NTRK3: variants seen among roughly 807,000 people sequenced by gnomAD.
NTRK3 encodes the protein NT-3 growth factor receptor.
A neutral mutation model predicts 91.7 loss-of-function variants in NTRK3; 24 were observed. The observed-to-expected ratio is 0.26, with a 90% CI of 0.19 to 0.37. The LOEUF (loss-of-function observed/expected upper bound fraction) is 0.37. Among genes scored for constraint, NTRK3 ranks in the 10% least tolerant of loss-of-function variants. NTRK3 has a pLI of 1.00. For synonymous variants in NTRK3, 483 were observed against 404.0 expected, an observed-to-expected ratio of 1.20 and a Z score of -2.34; for missense variants, 880 against 1,068.9, an observed-to-expected ratio of 0.82 and a Z score of 2.46.
intron 14 of NTRK3, among the ~76,000 whole-genome samples, chr15:87,997,497 G>A (rs1409911448): frequency 6.6e-6 from 1 of 151,988 alleles, no homozygotes; most frequent in Non-Finnish European, 1.5e-5. Context: ...AAATTGGCAG[G>A]GCCTGGAGGG....
chr15:88,225,908 T>G lies in NTRK3; in HGVS notation c.248+29998A>C, dbSNP rs1297251814. ...TCAGCAGTCACCCGCTACCTAGACATGCACAGCCTGCTGCTGCCTCTGGCC... is the reference window on the plus strand; with the variant it reads ...TCAGCAGTCACCCGCTACCTAGACAGGCACAGCCTGCTGCTGCCTCTGGCC... On this transcript the variant is annotated intron_variant, in intron 3 of 18. Transcript: ENST00000394480. 2.0e-5 allele frequency among the ~76,000 whole-genome samples: 3 copies of G among 152,110 alleles called. No homozygotes were observed. In the East Asian group the frequency reaches 5.8e-4, roughly 29 times the overall value.
chr15:88,254,436 G>A (rs1337147944), intron 3 of NTRK3, among the ~76,000 whole-genome samples: 4 of 152,238 alleles, frequency 2.6e-5, no homozygotes, highest in Middle Eastern at 3.4e-3. Context: ...AGGGTAAGGG[G>A]GTGAACAGCA....
intron 17 of NTRK3, among the ~76,000 whole-genome samples, chr15:87,905,328 T>C (rs2066700448): frequency 6.6e-6 from 1 of 152,196 alleles, no homozygotes; most frequent in Non-Finnish European, 1.5e-5. Flanking sequence ...AGAGGGTTAT[T>C]GGCATCCCAA....
At chr15:87,905,765 T>A (rs1317735195) in intron 17 of NTRK3, among the ~76,000 whole-genome samples, 4 of 152,134 alleles carry the variant, frequency 2.6e-5, no homozygotes, top group Admixed American at 1.3e-4. Flanking sequence ...GCATGGTCCC[T>A]CCTTCCAACG....
At chr15:87,869,105 T>G (rs1024501885) in exon 19 of NTRK3, 3 of 228,928 alleles carry the variant, frequency 1.3e-5, no homozygotes, top group African/African-American at 6.6e-5. Flanking sequence ...AATTTGCAGT[T>G]CCCTCAGGGG....
At chr15:88,128,670 A>C (rs777794359) in intron 11 of NTRK3, 41 bp downstream of exon 11, 3 of 1,602,584 alleles carry the variant, frequency 1.9e-6, no homozygotes, top group Non-Finnish European at 2.6e-6. Context: ...CGATAGTATC[A>C]GAATAAATCA....
chr15:87,942,460 A>G (rs1161182486), intron 14 of NTRK3, among the ~76,000 whole-genome samples: 2 of 152,080 alleles, frequency 1.3e-5, no homozygotes, highest in African/African-American at 4.8e-5. Context: ...ATAGGAAGTC[A>G]GGCCCTCTCT....
chr15:88,210,394 C>A (rs2049138940), intron 3 of NTRK3, among the ~76,000 whole-genome samples: 1 of 152,046 alleles, frequency 6.6e-6, no homozygotes, highest in Non-Finnish European at 1.5e-5. Flanking sequence ...AAATGAAACC[C>A]AAAAAAGCCC....
intron 17 of NTRK3, among the ~76,000 whole-genome samples, chr15:87,902,457 C>T (rs1022257540): frequency 3.9e-5 from 6 of 152,120 alleles, no homozygotes; most frequent in East Asian, 1.9e-4. Context: ...ATCTATTTCC[C>T]GTTAACATCT....
At chr15:88,079,754 G>A (rs2047880656) in intron 13 of NTRK3, among the ~76,000 whole-genome samples, 2 of 152,078 alleles carry the variant, frequency 1.3e-5, no homozygotes, top group South Asian at 4.1e-4. Flanking sequence ...AATAAAAAAT[G>A]GGAAACAATT....
intron 13 of NTRK3, among the ~76,000 whole-genome samples, chr15:88,081,601 G>C (rs559474958): frequency 1.7e-4 from 26 of 152,334 alleles, no homozygotes; most frequent in African/African-American, 4.8e-4. Flanking sequence ...CAGTCCCTCT[G>C]AATCGGAAAG....
At chr15:88,249,097 T>A (rs2053115414) in intron 3 of NTRK3, among the ~76,000 whole-genome samples, 1 of 151,984 alleles carries the variant, frequency 6.6e-6, no homozygotes, top group South Asian at 2.1e-4. Context: ...ATGATGCGTG[T>A]CTGGGGAAGG....
exon 19 of NTRK3, chr15:87,874,248 A>AGACTCTGTATAGACAGGAC: frequency 4.5e-6 from 1 of 224,006 alleles, no homozygotes; most frequent in Non-Finnish European, 8.8e-6. Context: ...ATATCAAAGT[A>AGACTCTGTATAGACAGGAC]ATATATCTTC....
At chr15:87,991,028 G>T (rs553186638) in intron 14 of NTRK3, among the ~76,000 whole-genome samples, 3 of 152,048 alleles carry the variant, frequency 2.0e-5, no homozygotes, top group Non-Finnish European at 4.4e-5. Context: ...GTCACCAATG[G>T]TTACCCCATG....
At chr15:88,140,541 G>A (rs921942628) in intron 6 of NTRK3, among the ~76,000 whole-genome samples, 1 of 152,208 alleles carries the variant, frequency 6.6e-6, no homozygotes, top group African/African-American at 2.4e-5. Context: ...CGGCCTCAAA[G>A]AGCTGTTGTT....
chr15:88,210,560 C>A (rs929372439), intron 3 of NTRK3, among the ~76,000 whole-genome samples: 12 of 152,194 alleles, frequency 7.9e-5, no homozygotes, highest in African/African-American at 2.2e-4. Flanking sequence ...GATGCAGGAA[C>A]AACTCTCCCA....
At chr15:88,137,982 T>C (rs958108089) in intron 6 of NTRK3, among the ~76,000 whole-genome samples, 13 of 149,960 alleles carry the variant, frequency 8.7e-5, no homozygotes, top group African/African-American at 3.2e-4. Context: ...ACCCAGGAGA[T>C]GGAGGTTGCA....
chr15:87,924,018 G>C (rs1161018231), intron 17 of NTRK3, among the ~76,000 whole-genome samples: 1 of 152,008 alleles, frequency 6.6e-6, no homozygotes, highest in African/African-American at 2.4e-5. Flanking sequence ...CCATTCTGTG[G>C]TATTCTGTTG....
At chr15:88,195,492 G>A (rs1337345898) in intron 3 of NTRK3, among the ~76,000 whole-genome samples, 1 of 152,234 alleles carries the variant, frequency 6.6e-6, no homozygotes, top group Admixed American at 6.5e-5. Context: ...CCAAGGTCTT[G>A]ATTGGGACAG....
Sources: gnomAD v4.1 joint callset for allele counts (sites outside exome capture counted in the v4.1 genomes callset) on GRCh38, gnomAD v4.1.1 for gene constraint, MANE v1.5 for transcripts, NCBI Gene and HGNC (gene_info 2026-07-23, HGNC 2026-07-21) for gene names.